The following CDC37L1 variants were observed in gnomAD, a reference collection of about 807,000 sequenced individuals.
The protein encoded by CDC37L1 is hsp90 co-chaperone Cdc37-like 1.
Under a neutral mutation model 45.9 loss-of-function variants are expected in CDC37L1, and 32 were observed. The ratio of observed to expected loss-of-function variants is 0.70; its 90% CI spans 0.53 to 0.94. The LOEUF (loss-of-function observed/expected upper bound fraction) is 0.94, where lower values mean the gene tolerates loss of function less well. CDC37L1 is among the 40% of genes least tolerant of loss of function. The pLI, the probability that CDC37L1 is intolerant of heterozygous loss-of-function variation, is 0.00. For missense variants in CDC37L1, 434 were observed against 405.7 expected, an observed-to-expected ratio of 1.07 and a Z score of -0.60; for synonymous variants, 150 against 133.0, an observed-to-expected ratio of 1.13 and a Z score of -0.88.
intron 6 of CDC37L1, among the ~76,000 whole-genome samples, chr9:4,704,028 G>A (rs949747053): frequency 1.3e-5 from 2 of 152,114 alleles, no homozygotes; most frequent in African/African-American, 4.8e-5. Context: ...CTACATGTGC[G>A]GAAAGGATTA....
chr9:4,684,912 G>A lies in CDC37L1; in HGVS notation c.168G>A (p.Lys56=). 1 of 1,613,582 alleles carries A rather than the reference G, an allele frequency of 6.2e-7. No individual in the cohort carries two copies. The highest frequency in any genetic ancestry group is 1.1e-5 in the South Asian group (1 of 91,022). ...ATGGAATTGAATTGGCTTGCCAAAA[G>A]CAGAAAGAGTTTGTGAAGAGCTCTG... The part of the protein sequence containing the change: ...YSHGIELACQ[K]QKEFVKSSVA... Residue 56 remains lysine, a synonymous_variant, in exon 2 of 7, where the codon AAG becomes AAA. Transcript: ENST00000381854.
chr9:4,697,929 G>T (rs368151824), intron 5 of CDC37L1, 50 bp downstream of exon 5: 1 of 1,580,528 alleles, frequency 6.3e-7, no homozygotes, highest in African/African-American at 1.3e-5. Context: ...TCCCAGCTGA[G>T]ACCTCTTTGT....
At chr9:4,685,236 C>A in intron 2 of CDC37L1, 78 bp downstream of exon 2, 1 of 1,108,920 alleles carries the variant, frequency 9.0e-7, no homozygotes, top group Non-Finnish European at 1.3e-6. Flanking sequence ...TATTTGGTAG[C>A]AAAGCAGCAG....
intron 1 of CDC37L1, among the ~76,000 whole-genome samples, chr9:4,682,836 T>C (rs953538726): frequency 2.0e-5 from 3 of 151,730 alleles, no homozygotes; most frequent in Non-Finnish European, 4.4e-5. Flanking sequence ...TATAGCTTAA[T>C]TTTTCTCCTT....
In CDC37L1 at chr9:4,685,067, A is replaced by C. The variant is rs1415606540; in HGVS notation, c.323A>C (p.Glu108Ala). Residue 108 changes from glutamate to alanine, a missense_variant, in exon 2 of 7, where the codon GAA becomes GCA. Physicochemically the swap from Glu to Ala is moderately radical, Grantham distance 107 (BLOSUM62 -1). Transcript: ENST00000381854. ...TAVSELRQRE[E>A]EWRQKEEALV... Reference sequence around the variant, plus strand: ...GTATCAGAACTGAGGCAACGGGAAGAAGAGTGGCGACAGAAAGAAGAAGCT... The same window carrying C: ...GTATCAGAACTGAGGCAACGGGAAGCAGAGTGGCGACAGAAAGAAGAAGCT... 6.2e-7 allele frequency: 1 copy of C among 1,613,920 alleles called. No homozygotes were observed. Among genetic ancestry groups the C allele is most frequent in the African/African-American group, 1.3e-5 (1 of 74,936 alleles).
intron 3 of CDC37L1, among the ~76,000 whole-genome samples, chr9:4,690,139 G>C (rs1173032467): frequency 1.3e-5 from 2 of 152,208 alleles, no homozygotes; most frequent in Non-Finnish European, 2.9e-5. Flanking sequence ...TGTTCGTGAT[G>C]AGAACAGTGA....
chr9:4,684,857 C>G lies in CDC37L1; in HGVS notation c.133-20C>G, dbSNP rs776786307. 4.0e-5 allele frequency: 63 copies of G among 1,582,100 alleles called. No individual in the cohort carries two copies. The highest frequency in any genetic ancestry group is 5.1e-5 in the Non-Finnish European group (59 of 1,156,756). On this transcript the variant is annotated intron_variant, in intron 1 of 6. Transcript: ENST00000381854. Reference sequence around the variant, plus strand: ...CATCCATTGCTTTCTTCATTTCTTACAAATATTGTTTTTATCCAGATGTAT... The same window carrying G: ...CATCCATTGCTTTCTTCATTTCTTAGAAATATTGTTTTTATCCAGATGTAT...
In CDC37L1 at chr9:4,701,853, G is replaced by A. The variant is rs200430510; in HGVS notation, c.748-11G>A. On this transcript the variant is annotated splice_polypyrimidine_tract_variant and intron_variant, in intron 5 of 6. Coordinates refer to ENST00000381854, the MANE Select transcript of CDC37L1 (RefSeq NM_017913.4). ...GAACACAGTCTTTGTTTTTTTTTTTGTTTTTTCTAGGCAGAGGAAGAAGGT... is the reference window on the plus strand; with the variant it reads ...GAACACAGTCTTTGTTTTTTTTTTTATTTTTTCTAGGCAGAGGAAGAAGGT... The A allele has an allele frequency of 3.3e-6, 5 of 1,492,674 alleles. No individual in the cohort carries two copies. Among genetic ancestry groups the A allele is most frequent in the Non-Finnish European group, 4.5e-6 (5 of 1,108,046 alleles). The allele number at this position is 1,492,674 out of a possible 1,614,324, so 92.5% of individuals were successfully genotyped here. A position where few individuals can be genotyped will look rare whatever the true frequency, so the allele number is the denominator to read the frequency against.
At chr9:4,687,229 T>C (rs891671253) in intron 2 of CDC37L1, among the ~76,000 whole-genome samples, 10 of 152,238 alleles carry the variant, frequency 6.6e-5, no homozygotes, top group Non-Finnish European at 1.2e-4. Context: ...CACAGAATGT[T>C]CTAAGAAACT....
intron 4 of CDC37L1, 22 bp from the exon 5 acceptor site, chr9:4,697,735 A>T: frequency 1.7e-6 from 2 of 1,192,672 alleles, no homozygotes; most frequent in Non-Finnish European, 2.4e-6. Context: ...TTTGTTTCTT[A>T]TATCATTTAA....
chr9:4,680,313 C>G (rs1400791250), intron 1 of CDC37L1, among the ~76,000 whole-genome samples: 1 of 152,210 alleles, frequency 6.6e-6, no homozygotes, highest in African/African-American at 2.4e-5. Context: ...TTGCTAGGAA[C>G]AGTGAATGAT....
intron 5 of CDC37L1, 63 bp from the exon 6 acceptor site, chr9:4,701,801 G>A: frequency 7.8e-7 from 1 of 1,288,764 alleles, no homozygotes; most frequent in African/African-American, 1.5e-5. Context: ...ATGCTTTCTG[G>A]AATTTACTAT....
rs1383270230 is a variant in CDC37L1 at position 4,686,850 on chromosome 9, G to A, written c.415-1663G>A. On this transcript the variant is annotated intron_variant, in intron 2 of 6. Coordinates refer to ENST00000381854, the MANE Select transcript of CDC37L1 (RefSeq NM_017913.4). ...TGGCTAGTCCGAATTGAGATGTGCT[G>A]TAAGTGTAAAATACACACCAGATTC... Among the ~76,000 whole-genome samples the A allele has an allele frequency of 2.6e-5, 4 of 152,204 alleles. No homozygotes were observed. The South Asian group carries it at 6.2e-4, about 24-fold the overall frequency.
chr9:4,697,324 G>T, intron 4 of CDC37L1, 113 bp downstream of exon 4: 1 of 635,670 alleles, frequency 1.6e-6, no homozygotes, highest in South Asian at 1.8e-5. Context: ...AAAGCAGGAA[G>T]GTCATTAGAT....
intron 1 of CDC37L1, among the ~76,000 whole-genome samples, chr9:4,684,206 C>A (rs1841224802): frequency 1.3e-5 from 2 of 152,176 alleles, no homozygotes; most frequent in East Asian, 1.9e-4. Context: ...ATCACGTAAA[C>A]CCCAGAGGCA....
intron 5 of CDC37L1, among the ~76,000 whole-genome samples, chr9:4,699,796 T>G (rs1018553931): frequency 6.6e-6 from 1 of 152,152 alleles, no homozygotes; most frequent in Admixed American, 6.5e-5. Flanking sequence ...GGGGTTTTGC[T>G]GAATAAACTG....
At chr9:4,701,558 G>C (rs1266667529) in intron 5 of CDC37L1, among the ~76,000 whole-genome samples, 8 of 152,080 alleles carry the variant, frequency 5.3e-5, no homozygotes, top group African/African-American at 1.9e-4. Context: ...TAAGGATCTA[G>C]ATAAGTCAAG....
At chr9:4,696,978 A>AAT in intron 3 of CDC37L1, 118 bp from the exon 4 acceptor site, 1 of 599,364 alleles carries the variant, frequency 1.7e-6, no homozygotes, top group Non-Finnish European at 3.0e-6. Context: ...ATTGTCTTTA[A>AAT]AGAGAATCAT....
At chr9:4,695,700 T>G (rs1841341354) in intron 3 of CDC37L1, among the ~76,000 whole-genome samples, 1 of 152,126 alleles carries the variant, frequency 6.6e-6, no homozygotes, top group Non-Finnish European at 1.5e-5. Context: ...TCTTACTATG[T>G]TGCTGAGGTT....
Sources: allele counts gnomAD v4.1 joint callset (sites outside exome capture counted in the v4.1 genomes callset), GRCh38; gene constraint gnomAD v4.1.1; transcripts MANE v1.5; gene names NCBI Gene and HGNC (gene_info 2026-07-23, HGNC 2026-07-21).